SLC12A7: variants seen among roughly 807,000 people sequenced by gnomAD.
The protein encoded by SLC12A7 is K-Cl cotransporter 4.
SLC12A7 carries 100 observed loss-of-function variants against 120.6 expected under a neutral mutation model. That is an observed-to-expected ratio of 0.83 (90% CI 0.71 to 0.98). The LOEUF (loss-of-function observed/expected upper bound fraction) is 0.98, where lower values mean the gene tolerates loss of function less well. Among genes scored for constraint, SLC12A7 ranks in the 50% least tolerant of loss-of-function variants. SLC12A7 has a pLI of 0.00. For synonymous variants in SLC12A7, 760 were observed against 678.0 expected, an observed-to-expected ratio of 1.12 and a Z score of -1.88; for missense variants, 1,373 against 1,548.1, an observed-to-expected ratio of 0.89 and a Z score of 1.90.
Position 1,065,496 on chromosome 5 carries a change from G to A in SLC12A7, c.2242-18C>T, listed in dbSNP as rs774782645. ...CGTATGTTCTGCGGGAGACAGGACA[G>A]GTTGGTGCTACAGCAGGAATGGGGT... On this transcript the variant is annotated intron_variant, in intron 17 of 23. Transcript: ENST00000264930. The A allele has an allele frequency of 1.3e-6, 2 of 1,547,038 alleles. No homozygotes were observed. The highest frequency in any genetic ancestry group is 2.7e-5 in the African/African-American group (2 of 73,314).
the SLC12A7 span, among the ~76,000 whole-genome samples, chr5:1,124,150 C>T: frequency 1.3e-5 from 2 of 152,216 alleles, no homozygotes; most frequent in African/African-American, 4.8e-5. Context: ...GGTCAATCTG[C>T]TCCAACAACT....
intron 11 of SLC12A7, among the ~76,000 whole-genome samples, chr5:1,078,231 C>T (rs1738593514): frequency 6.6e-6 from 1 of 152,152 alleles, no homozygotes; most frequent in Non-Finnish European, 1.5e-5. Context: ...GTCCTGCTCA[C>T]CTCAGGGTCG....
chr5:1,064,361 T>A (rs903736661), intron 18 of SLC12A7, 109 bp from the exon 19 acceptor site: 2 of 1,283,670 alleles, frequency 1.6e-6, no homozygotes, highest in Non-Finnish European at 2.1e-6. Flanking sequence ...GCGAGGGGGG[T>A]CCCCACAAAG....
the SLC12A7 span, among the ~76,000 whole-genome samples, chr5:1,143,889 G>A: frequency 6.6e-6 from 1 of 150,804 alleles, no homozygotes; most frequent in African/African-American, 2.5e-5. Flanking sequence ...GGGCACCCTG[G>A]CGCTGGGAAA....
the SLC12A7 span, among the ~76,000 whole-genome samples, chr5:1,122,325 G>C: frequency 2.0e-5 from 3 of 152,134 alleles, no homozygotes; most frequent in Non-Finnish European, 4.4e-5. Context: ...TCCGGGCAGT[G>C]GGGGGATGAA....
rs781781830 is a variant in SLC12A7, at chr5:1,111,944, G to A, written c.48C>T (p.Gly16=). Residue 16 remains glycine, a synonymous_variant, in exon 1 of 24, where the codon GGC becomes GGT. Transcript: ENST00000264930. ...TCCGCTCGGCAGTCTCGTCCCCGCC[G>A]CCGTCGGCGTGAGCCTCCACGGGCA... ...TVVPVEAHAD[G]GGDETAERTE... The A allele has an allele frequency of 4.6e-6, 6 of 1,292,956 alleles. No individual in the cohort carries two copies. Among genetic ancestry groups the A allele is most frequent in the East Asian group, 3.1e-5 (1 of 32,516 alleles). The allele number at this position is 1,292,956 out of a possible 1,614,324, so 80.1% of individuals were successfully genotyped here. A position where few individuals can be genotyped will look rare whatever the true frequency, so the allele number is the denominator to read the frequency against.
At chr5:1,090,155 A>C (rs1446130291) in intron 3 of SLC12A7, among the ~76,000 whole-genome samples, 1 of 152,212 alleles carries the variant, frequency 6.6e-6, no homozygotes, top group East Asian at 1.9e-4. Context: ...GGTGAGGGGC[A>C]GCTCCCAGGG....
the SLC12A7 span, among the ~76,000 whole-genome samples, chr5:1,152,499 T>C: frequency 6.6e-6 from 1 of 152,080 alleles, no homozygotes; most frequent in Non-Finnish European, 1.5e-5. Context: ...CCCAATGGCA[T>C]GTTTACATCC....
In SLC12A7 at chr5:1,093,614, G is replaced by A; in HGVS notation, c.261C>T (p.Asn87=). The A allele has an allele frequency of 6.2e-7, 1 of 1,613,174 alleles. No homozygotes were observed. The highest frequency in any genetic ancestry group is 1.3e-5 in the African/African-American group (1 of 75,048). ...DSNPMVSSLL[N]KLANYTNLSQ... Reference sequence around the variant, plus strand: ...TCAGGTTGGTGTAGTTGGCCAGCTTGTTGAGCAGCGAGGACACCATGGGGT... The same window carrying A: ...TCAGGTTGGTGTAGTTGGCCAGCTTATTGAGCAGCGAGGACACCATGGGGT... The change falls in exon 3 of 24, where the codon AAC becomes AAT. Residue 87 remains asparagine (N), a synonymous_variant. Coordinates refer to ENST00000264930, the MANE Select transcript of SLC12A7 (RefSeq NM_006598.3).
chr5:1,081,791 G>C (rs201539066), intron 8 of SLC12A7, 47 bp from the exon 9 acceptor site: 1 of 1,572,862 alleles, frequency 6.4e-7, no homozygotes, highest in East Asian at 2.3e-5. Context: ...CTTCTGTGCA[G>C]TGCCCCCGCC....
chr5:1,142,400 C>T, the SLC12A7 span, among the ~76,000 whole-genome samples: 1 of 81,598 alleles, frequency 1.2e-5, no homozygotes, highest in African/African-American at 5.7e-5. Flanking sequence ...TCCCTTCTCC[C>T]CTTTCCCCTC....
At chr5:1,064,720 G>A (rs1455969972) in intron 18 of SLC12A7, among the ~76,000 whole-genome samples, 1 of 150,912 alleles carries the variant, frequency 6.6e-6, no homozygotes, top group African/African-American at 2.4e-5. Flanking sequence ...GGACAGCGAG[G>A]AGACGGTGAA....
chr5:1,137,934 A>G, the SLC12A7 span, among the ~76,000 whole-genome samples: 1 of 152,186 alleles, frequency 6.6e-6, no homozygotes, highest in African/African-American at 2.4e-5. Context: ...GAGCTGTGGC[A>G]GAAGGAGCAG....
intron 18 of SLC12A7, among the ~76,000 whole-genome samples, chr5:1,064,847 GC>G (rs1736791506): frequency 7.7e-6 from 1 of 130,002 alleles, no homozygotes; most frequent in Non-Finnish European, 1.7e-5. Context: ...CGAAGCGACG[GC>G]GAGGAGACGG....
At chr5:1,133,920 A>G in the SLC12A7 span, among the ~76,000 whole-genome samples, 1 of 152,092 alleles carries the variant, frequency 6.6e-6, no homozygotes, top group African/African-American at 2.4e-5. Flanking sequence ...CTCTTGTTCT[A>G]ACCGCTGCAT....
At chr5:1,087,226 C>T (rs955275821) in intron 5 of SLC12A7, among the ~76,000 whole-genome samples, 193 bp from the exon 6 acceptor site, 2 of 152,198 alleles carry the variant, frequency 1.3e-5, no homozygotes, top group African/African-American at 2.4e-5. Context: ...GCTCGGCACA[C>T]GTTCCACACC....
At chr5:1,096,681 G>GAGGGAGGGGGGA (rs1360929178) in intron 1 of SLC12A7, among the ~76,000 whole-genome samples, 2 of 124,944 alleles carry the variant, frequency 1.6e-5, no homozygotes, top group African/African-American at 6.6e-5. Flanking sequence ...AGGAAGAAAG[G>GAGGGAGGGGGGA]AGGGAGGGGG....
In SLC12A7 at chr5:1,079,409, G is replaced by T; in HGVS notation, c.1385C>A (p.Thr462Lys). ...CCCTCCAAGGATACAGATGAAAGACGTCGTCACTATGGCCAGGATGGTCCC... is the reference window on the plus strand; with the variant it reads ...CCCTCCAAGGATACAGATGAAAGACTTCGTCACTATGGCCAGGATGGTCCC... ...PTGTILAIVT[T>K]SFIYLSCIVL... The change falls in exon 10 of 24, where the codon ACG becomes AAG. Residue 462 changes from threonine to lysine, a missense_variant. Transcript: ENST00000264930. 3 of 1,612,436 alleles carry T rather than the reference G, an allele frequency of 1.9e-6. No individual in the cohort carries two copies. Among genetic ancestry groups the T allele is most frequent in the Non-Finnish European group, 2.5e-6 (3 of 1,179,582 alleles).
chr5:1,110,998 T>C (rs1220806532), intron 1 of SLC12A7, among the ~76,000 whole-genome samples: 1 of 152,192 alleles, frequency 6.6e-6, no homozygotes, highest in East Asian at 1.9e-4. Flanking sequence ...AGACCTCACC[T>C]TCCTTCCACT....
Sources: gnomAD v4.1 joint callset for allele counts (sites outside exome capture counted in the v4.1 genomes callset) on GRCh38, gnomAD v4.1.1 for gene constraint, MANE v1.5 for transcripts, NCBI Gene and HGNC (gene_info 2026-07-23, HGNC 2026-07-21) for gene names.